Variants in GRIN2A observed in about 807,000 individuals in gnomAD.
GRIN2A encodes glutamate ionotropic receptor NMDA type subunit 2A, also known as glutamate receptor ionotropic, NMDA 2A.
Under a neutral mutation model 113.4 loss-of-function variants are expected in GRIN2A, and 22 were observed. The ratio of observed to expected loss-of-function variants is 0.19; its 90% CI spans 0.14 to 0.28. GRIN2A has a LOEUF of 0.28. Ranked by LOEUF, GRIN2A falls within the 10% of genes least tolerant of loss-of-function variation. The pLI, the probability that GRIN2A is intolerant of heterozygous loss-of-function variation, is 1.00. For synonymous variants in GRIN2A, 827 were observed against 738.4 expected (o/e 1.12, Z -1.94); for missense variants, 1,502 against 1,887.0 (o/e 0.80, Z 3.78).
At chr16:9,974,590 T>C (rs1014272872) in intron 2 of GRIN2A, among the ~76,000 whole-genome samples, 6 of 152,208 alleles carry the variant, frequency 3.9e-5, no homozygotes, top group African/African-American at 1.4e-4. Context: ...CGCGGCCGAA[T>C]AAACCTCTTC....
At chr16:9,828,894 A>T (rs978217683) in intron 9 of GRIN2A, among the ~76,000 whole-genome samples, 2 of 152,194 alleles carry the variant, frequency 1.3e-5, no homozygotes, top group Non-Finnish European at 1.5e-5. Flanking sequence ...CCTTGAAGAC[A>T]TTTCAGGTGA....
At chr16:10,092,160 G>T (rs181968599) in intron 2 of GRIN2A, among the ~76,000 whole-genome samples, 3 of 152,240 alleles carry the variant, frequency 2.0e-5, no homozygotes, top group Non-Finnish European at 4.4e-5. Flanking sequence ...GGAGTCTTTG[G>T]GATTGGAATG....
chr16:9,788,729 C>A (rs1596406953), intron 11 of GRIN2A, among the ~76,000 whole-genome samples: 1 of 145,172 alleles, frequency 6.9e-6, no homozygotes. Flanking sequence ...GGACAACCAA[C>A]TTTAAGTCTT....
chr16:10,026,681 A>C (rs924960268), intron 2 of GRIN2A, among the ~76,000 whole-genome samples: 3 of 147,864 alleles, frequency 2.0e-5, no homozygotes, highest in Non-Finnish European at 3.0e-5. Context: ...CACCACCAGC[A>C]GACATGGGCC....
intron 2 of GRIN2A, among the ~76,000 whole-genome samples, chr16:10,066,632 T>C (rs1170751186): frequency 6.6e-6 from 1 of 152,172 alleles, no homozygotes; most frequent in Non-Finnish European, 1.5e-5. Context: ...CCAGGATCTA[T>C]CACTCTGAGA....
At chr16:9,856,604 G>A (rs1379628090) in intron 4 of GRIN2A, among the ~76,000 whole-genome samples, 2 of 138,414 alleles carry the variant, frequency 1.4e-5, no homozygotes, top group African/African-American at 2.8e-5. Flanking sequence ...CAGCCTGGGT[G>A]ACAGAGTGAG....
At chr16:9,766,005 T>C (rs1039206157) in intron 12 of GRIN2A, among the ~76,000 whole-genome samples, 12 of 152,198 alleles carry the variant, frequency 7.9e-5, no homozygotes, top group African/African-American at 2.7e-4. Context: ...GAAGAGCCCT[T>C]GATTCCTACC....
chr16:9,846,216 T>C (rs369287425), intron 5 of GRIN2A, among the ~76,000 whole-genome samples: 77 of 152,114 alleles, frequency 5.1e-4, no homozygotes, highest in Middle Eastern at 3.4e-3. Flanking sequence ...CTTCCTCATC[T>C]CCAGGAGAGT....
In GRIN2A at chr16:10,018,648, G is replaced by T. The variant is rs574048313; in HGVS notation, c.415-80097C>A. Among the ~76,000 whole-genome samples the T allele has an allele frequency of 6.6e-5, 10 of 152,252 alleles. No homozygotes were observed. In the East Asian group the frequency reaches 1.9e-3, roughly 29 times the overall value. On this transcript the variant is annotated intron_variant, in intron 2 of 12. Transcript: ENST00000330684. The stretch of plus-strand genomic sequence containing the variant: ...CTGCACGAGGGAAACTCTATCCAGG[G>T]AGGTGATTGTCCTGGTGCCACGGCA...
chr16:9,849,704 T>C (rs1596494549), intron 5 of GRIN2A, 52 bp downstream of exon 5: 1 of 1,267,452 alleles, frequency 7.9e-7, no homozygotes. Flanking sequence ...CGATGATCCA[T>C]GCTATTTCAA....
At chr16:9,832,066 G>GCAT (rs940485953) in intron 8 of GRIN2A, among the ~76,000 whole-genome samples, 2 of 151,386 alleles carry the variant, frequency 1.3e-5, no homozygotes, top group Non-Finnish European at 2.9e-5. Flanking sequence ...ATACAGGCAC[G>GCAT]CATCATCACG....
intron 2 of GRIN2A, among the ~76,000 whole-genome samples, chr16:9,985,334 G>A (rs895112762): frequency 6.6e-6 from 1 of 152,082 alleles, no homozygotes; most frequent in African/African-American, 2.4e-5. Context: ...TTATCATTAG[G>A]AAGTGATGTT....
chr16:9,940,774 A>G (rs1227618543), intron 2 of GRIN2A, among the ~76,000 whole-genome samples: 1 of 152,214 alleles, frequency 6.6e-6, no homozygotes, highest in Non-Finnish European at 1.5e-5. Flanking sequence ...ACCATCCAAT[A>G]CCCAACCTAT....
chr16:10,062,892 A>C (rs80216463), intron 2 of GRIN2A, among the ~76,000 whole-genome samples: 16,001 of 152,010 alleles, frequency 0.11, 1,097 homozygotes, highest in East Asian at 0.23. Flanking sequence ...AAGAAAAGAA[A>C]AACATTGGGT....
At chr16:9,810,691 G>A (rs902388728) in intron 10 of GRIN2A, among the ~76,000 whole-genome samples, 3 of 152,152 alleles carry the variant, frequency 2.0e-5, no homozygotes, top group African/African-American at 7.2e-5. Context: ...TTCAGAGGGA[G>A]CAAGGCCCTG....
chr16:10,021,264 A>G (rs992045435), intron 2 of GRIN2A, among the ~76,000 whole-genome samples: 1 of 152,210 alleles, frequency 6.6e-6, no homozygotes, highest in Non-Finnish European at 1.5e-5. Flanking sequence ...GCTCTATTCA[A>G]CACATATTTA....
At position 9,762,998 on chromosome 16, in the gene GRIN2A, C is replaced by T. The variant is rs1339343295; in HGVS notation, c.*151G>A. ...TGAGTGGAAGATTATGGCATGAAGCCGTGTGCAAAAGAGCCAACAACAACA... is the reference window on the plus strand; with the variant it reads ...TGAGTGGAAGATTATGGCATGAAGCTGTGTGCAAAAGAGCCAACAACAACA... On this transcript the variant is annotated 3_prime_UTR_variant, in exon 13 of 13. Transcript: ENST00000330684. 15 of 730,946 alleles carry T rather than the reference C, an allele frequency of 2.1e-5. No homozygotes were observed. Among genetic ancestry groups the T allele is most frequent in the African/African-American group, 1.4e-4 (8 of 57,128 alleles). 45.3% of individuals were successfully genotyped at this position (730,946 alleles called of 1,614,324 possible). A position where few individuals can be genotyped will look rare whatever the true frequency, so the allele number is the denominator to read the frequency against.
intron 2 of GRIN2A, among the ~76,000 whole-genome samples, chr16:9,953,458 G>A (rs1048280513): frequency 6.6e-6 from 1 of 152,176 alleles, no homozygotes; most frequent in African/African-American, 2.4e-5. Context: ...AATGCATATG[G>A]AATTCAGGTT....
At chr16:10,110,745 G>T (rs2048596657) in intron 2 of GRIN2A, among the ~76,000 whole-genome samples, 1 of 152,120 alleles carries the variant, frequency 6.6e-6, no homozygotes, top group African/African-American at 2.4e-5. Context: ...AACTTCCCAG[G>T]CTCCACTCCT....
Sources: gnomAD v4.1 joint callset for allele counts (sites outside exome capture counted in the v4.1 genomes callset) on GRCh38, gnomAD v4.1.1 for gene constraint, MANE v1.5 for transcripts, NCBI Gene and HGNC (gene_info 2026-07-23, HGNC 2026-07-21) for gene names.